The following SGCZ variants were observed in gnomAD, a reference collection of about 807,000 sequenced individuals.
SGCZ encodes sarcoglycan zeta, also known as zeta-sarcoglycan.
In SGCZ, 40 loss-of-function variants were observed where a neutral mutation model predicts 41.3. That is an observed-to-expected ratio of 0.97 (90% CI 0.75 to 1.26). The LOEUF (loss-of-function observed/expected upper bound fraction) is 1.26. Among genes scored for constraint, SGCZ ranks in the 50% most tolerant of loss-of-function variants. The probability of loss-of-function intolerance (pLI) is 0.00; values close to 1 mark genes in which losing one functional copy is unlikely to be tolerated. For synonymous variants in SGCZ, 206 were observed against 137.5 expected (o/e 1.50, Z -3.49); for missense variants, 552 against 369.8 (o/e 1.49, Z -4.04).
intron 2 of SGCZ, among the ~76,000 whole-genome samples, chr8:14,388,195 G>GA (rs902191115): frequency 6.6e-6 from 1 of 151,774 alleles, no homozygotes; most frequent in Non-Finnish European, 1.5e-5. Context: ...TGCCTGATAC[G>GA]AAAAAAAGTT....
intron 2 of SGCZ, among the ~76,000 whole-genome samples, chr8:14,479,720 G>C (rs1801468773): frequency 7.8e-6 from 1 of 127,654 alleles, no homozygotes; most frequent in African/African-American, 3.1e-5. Flanking sequence ...CATACCTCCA[G>C]AATTCTACTT....
chr8:14,197,044 A>C (rs1015853146), intron 4 of SGCZ, among the ~76,000 whole-genome samples: 2 of 152,178 alleles, frequency 1.3e-5, no homozygotes, highest in Admixed American at 1.3e-4. Flanking sequence ...ATGGTTGCAC[A>C]ACTGTAAATT....
At chr8:14,989,907 T>A (rs1298167607) in intron 1 of SGCZ, among the ~76,000 whole-genome samples, 1 of 152,160 alleles carries the variant, frequency 6.6e-6, no homozygotes, top group Non-Finnish European at 1.5e-5. Flanking sequence ...CAGAGACAAG[T>A]GAACTGTCCT....
At chr8:14,638,986 A>G (rs1430713008) in intron 1 of SGCZ, among the ~76,000 whole-genome samples, 1 of 151,644 alleles carries the variant, frequency 6.6e-6, no homozygotes, top group Non-Finnish European at 1.5e-5. Flanking sequence ...AGATAATCAT[A>G]CTAGAATACG....
chr8:14,364,496 C>A (rs142258058), intron 2 of SGCZ, among the ~76,000 whole-genome samples: 143 of 152,252 alleles, frequency 9.4e-4, no homozygotes, highest in South Asian at 6.8e-3. Flanking sequence ...GATTTTTATA[C>A]ATTGCCATTC....
intron 2 of SGCZ, among the ~76,000 whole-genome samples, chr8:14,424,765 AAAGACAAT>A (rs1585492040): frequency 6.6e-6 from 1 of 152,196 alleles, no homozygotes; most frequent in Non-Finnish European, 1.5e-5. Flanking sequence ...TAATACAATG[AAAGACAAT>A]AAGCTTTTCA....
chr8:15,020,714 TC>T (rs1403162365), intron 1 of SGCZ, among the ~76,000 whole-genome samples: 36 of 152,318 alleles, frequency 2.4e-4, no homozygotes, highest in African/African-American at 7.9e-4. Flanking sequence ...TGCATTATGG[TC>T]AGTACTTCAC....
At chr8:14,940,590 A>C (rs1034985606) in intron 1 of SGCZ, among the ~76,000 whole-genome samples, 1 of 152,180 alleles carries the variant, frequency 6.6e-6, no homozygotes, top group Non-Finnish European at 1.5e-5. Flanking sequence ...TTAAACATAT[A>C]AACAAAAAGA....
In SGCZ at chr8:14,084,965, G is replaced by A. The variant is rs1479238678; in HGVS notation, c.*5478C>T. Among the ~76,000 whole-genome samples, 1 of 151,686 alleles carries A rather than the reference G, an allele frequency of 6.6e-6. No individual in the cohort carries two copies. The highest frequency in any genetic ancestry group is 1.5e-5 in the Non-Finnish European group (1 of 67,810). On this transcript the variant is annotated 3_prime_UTR_variant, in exon 8 of 8. Transcript: ENST00000382080. Reference sequence around the variant, plus strand: ...CTTAAATTATATGAGCTCATTGCATGCTTCAAAAGGTCTCATTTCAGAGAA... The same window carrying A: ...CTTAAATTATATGAGCTCATTGCATACTTCAAAAGGTCTCATTTCAGAGAA...
chr8:14,150,504 C>G (rs1331804151), intron 5 of SGCZ, among the ~76,000 whole-genome samples: 1 of 151,964 alleles, frequency 6.6e-6, no homozygotes, highest in Non-Finnish European at 1.5e-5. Context: ...CTTTCATATC[C>G]AAAGGACAGG....
At chr8:14,603,514 T>G (rs1037230953) in intron 1 of SGCZ, among the ~76,000 whole-genome samples, 1 of 151,930 alleles carries the variant, frequency 6.6e-6, no homozygotes. Flanking sequence ...GAAAGAAACT[T>G]CAAGTATCTT....
chr8:14,895,848 T>A (rs1420942033), intron 1 of SGCZ, among the ~76,000 whole-genome samples: 1 of 152,222 alleles, frequency 6.6e-6, no homozygotes, highest in African/African-American at 2.4e-5. Context: ...TGCTGGAGAT[T>A]CTAATTGATC....
At chr8:14,163,849 A>C (rs1022741206) in intron 5 of SGCZ, among the ~76,000 whole-genome samples, 4 of 152,102 alleles carry the variant, frequency 2.6e-5, no homozygotes, top group African/African-American at 9.7e-5. Context: ...AGTCAAATAT[A>C]CTTTATTATT....
intron 1 of SGCZ, among the ~76,000 whole-genome samples, chr8:14,592,074 G>A (rs907292570): frequency 6.6e-6 from 1 of 152,090 alleles, no homozygotes; most frequent in Non-Finnish European, 1.5e-5. Context: ...ATATAGCAAA[G>A]ACTTGAAAAA....
intron 5 of SGCZ, among the ~76,000 whole-genome samples, chr8:14,146,261 C>A (rs1184996417): frequency 6.6e-6 from 1 of 152,186 alleles, no homozygotes; most frequent in Non-Finnish European, 1.5e-5. Context: ...TGGAAACTTA[C>A]AGGCTGGGAG....
intron 2 of SGCZ, among the ~76,000 whole-genome samples, chr8:14,337,738 G>T (rs1047165496): frequency 5.3e-5 from 8 of 152,116 alleles, no homozygotes; most frequent in African/African-American, 1.9e-4. Flanking sequence ...TAAAAATTCT[G>T]GGTGAGAATG....
intron 2 of SGCZ, among the ~76,000 whole-genome samples, chr8:14,375,109 G>C (rs71514473): frequency 0.049 from 7,125 of 146,376 alleles, 246 homozygotes; most frequent in Admixed American, 0.12. Context: ...CAGATAGATA[G>C]ATAGACAGAC....
At chr8:14,525,674 TA>T (rs1320922615) in intron 2 of SGCZ, among the ~76,000 whole-genome samples, 8 of 152,220 alleles carry the variant, frequency 5.3e-5, no homozygotes, top group Admixed American at 4.6e-4. Context: ...AAAGAAAATT[TA>T]AACCAAATTA....
chr8:14,568,699 C>CT, intron 1 of SGCZ, among the ~76,000 whole-genome samples: 1 of 152,064 alleles, frequency 6.6e-6, no homozygotes, highest in East Asian at 1.9e-4. Context: ...AGGCATTTTC[C>CT]TAGAGGTTTT....
Sources: gnomAD v4.1 joint callset for allele counts (sites outside exome capture counted in the v4.1 genomes callset) on GRCh38, gnomAD v4.1.1 for gene constraint, MANE v1.5 for transcripts, NCBI Gene and HGNC (gene_info 2026-07-23, HGNC 2026-07-21) for gene names.